The following MON2 variants were observed in gnomAD, a reference collection of about 807,000 sequenced individuals.
The protein encoded by MON2 is MON2 regulator of endosome-to-Golgi trafficking.
Under a neutral mutation model 208.6 loss-of-function variants are expected in MON2, and 84 were observed. That is an observed-to-expected ratio of 0.40 (90% CI 0.34 to 0.48). The LOEUF is 0.48. Among genes scored for constraint, MON2 ranks in the 20% least tolerant of loss-of-function variants. The probability of loss-of-function intolerance (pLI) is 0.59; values close to 1 mark genes in which losing one functional copy is unlikely to be tolerated. For synonymous variants in MON2, 660 were observed against 694.0 expected, an observed-to-expected ratio of 0.95 and a Z score of 0.77; for missense variants, 1,611 against 2,015.4, an observed-to-expected ratio of 0.80 and a Z score of 3.84.
chr12:62,509,798 G>A (rs892252662), intron 8 of MON2, among the ~76,000 whole-genome samples: 2 of 150,828 alleles, frequency 1.3e-5, no homozygotes, highest in South Asian at 2.1e-4. Context: ...TTAGGAGAAG[G>A]AAGGAAATAA....
intron 29 of MON2, among the ~76,000 whole-genome samples, chr12:62,569,821 G>T (rs2074520264): frequency 6.6e-6 from 1 of 152,124 alleles, no homozygotes; most frequent in Non-Finnish European, 1.5e-5. Context: ...TAGATTCTGG[G>T]TGTGCTAATT....
At chr12:62,553,442 C>A (rs2073834465) in intron 24 of MON2, 1 of 295,122 alleles carries the variant, frequency 3.4e-6, no homozygotes, top group Non-Finnish European at 6.2e-6. Context: ...CCTTTTTTTC[C>A]CCCAGTTTTC....
At chr12:62,491,271 T>G (rs1353528154) in intron 2 of MON2, among the ~76,000 whole-genome samples, 1 of 152,154 alleles carries the variant, frequency 6.6e-6, no homozygotes, top group African/African-American at 2.4e-5. Flanking sequence ...GAGACAATAG[T>G]GAAGTATTCT....
chr12:62,535,317 A>G (rs1454878227), intron 13 of MON2, among the ~76,000 whole-genome samples: 1 of 152,146 alleles, frequency 6.6e-6, no homozygotes, highest in African/African-American at 2.4e-5. Context: ...TAATAAATAC[A>G]TGTATTATTA....
intron 2 of MON2, chr12:62,484,947 A>C (rs1397420199): frequency 7.2e-6 from 1 of 139,702 alleles, no homozygotes. Context: ...AGAATCTGTT[A>C]TATGCAAGGC....
chr12:62,561,076 A>G lies in MON2; in HGVS notation c.3995A>G (p.Gln1332Arg), dbSNP rs754584172. Residue 1332 changes from glutamine to arginine, a missense_variant, in exon 26 of 35, where the codon CAG becomes CGG. Transcript: ENST00000393630. Reference protein sequence around the residue: ...SYTEAVLTSLQEAVLTALDVL... With the variant: ...SYTEAVLTSLREAVLTALDVL... ...ACCGAAGCAGTTTTGACAAGTTTACAGGAAGCTGTACTTACAGCTTTAGAT... is the reference window on the plus strand; with the variant it reads ...ACCGAAGCAGTTTTGACAAGTTTACGGGAAGCTGTACTTACAGCTTTAGAT... 143 of 1,612,858 alleles carry G rather than the reference A, an allele frequency of 8.9e-5. 1 individual carries two copies. Among genetic ancestry groups the G allele is most frequent in the Non-Finnish European group, 1.2e-4 (137 of 1,179,408 alleles).
intron 3 of MON2, among the ~76,000 whole-genome samples, chr12:62,494,574 A>G (rs1229267008): frequency 6.6e-6 from 1 of 152,222 alleles, no homozygotes; most frequent in Non-Finnish European, 1.5e-5. Flanking sequence ...CATCTTAAAC[A>G]ATGTCAGATT....
At chr12:62,500,484 A>T (rs1592883335) in intron 5 of MON2, among the ~76,000 whole-genome samples, 1 of 152,188 alleles carries the variant, frequency 6.6e-6, no homozygotes, top group South Asian at 2.1e-4. Flanking sequence ...TTTTAAATCC[A>T]TGAAAAAAAG....
Position 62,593,710 on chromosome 12 carries a change from A to T in MON2, c.*961A>T, listed in dbSNP as rs1411190658. On this transcript the variant is annotated 3_prime_UTR_variant, in exon 35 of 35. Transcript: ENST00000393630. The stretch of plus-strand genomic sequence containing the variant: ...TTCTACTGATTTTGTTTCCCCTAAC[A>T]ACATTTGTCACTGTCTTTGAATTAT... 2.0e-5 allele frequency: 3 copies of T among 152,372 alleles called. No individual in the cohort carries two copies. Among genetic ancestry groups the T allele is most frequent in the African/African-American group, 7.2e-5 (3 of 41,452 alleles). 9.4% of individuals were successfully genotyped at this position (152,372 alleles called of 1,614,324 possible). A position where few individuals can be genotyped will look rare whatever the true frequency, so the allele number is the denominator to read the frequency against.
At chr12:62,567,140 A>G (rs909658365) in intron 29 of MON2, among the ~76,000 whole-genome samples, 2 of 152,138 alleles carry the variant, frequency 1.3e-5, no homozygotes, top group Non-Finnish European at 2.9e-5. Context: ...CTCTGTTTTG[A>G]AGGACTAGCC....
At position 62,532,556 on chromosome 12, in the gene MON2, C is replaced by G. The variant is rs2072705257; in HGVS notation, c.1519C>G (p.Leu507Val). ...AATCACAAGTATGATTGAAGGAGAG[C>G]TAGGAGAGCTTGAAACAGAATGTCA... Reference protein sequence around the residue: ...RGITSMIEGELGELETECQTT... With the variant: ...RGITSMIEGEVGELETECQTT... Residue 507 changes from leucine (L) to valine (V), a missense_variant, in exon 12 of 35, where the codon CTA becomes GTA. Coordinates refer to ENST00000393630, the MANE Select transcript of MON2 (RefSeq NM_015026.3). 1 of 1,613,928 alleles carries G rather than the reference C, an allele frequency of 6.2e-7. No homozygotes were observed. Among genetic ancestry groups the G allele is most frequent in the Admixed American group, 1.7e-5 (1 of 60,006 alleles).
intron 34 of MON2, chr12:62,588,958 G>A (rs1173720227): frequency 1.6e-6 from 2 of 1,260,130 alleles, no homozygotes; most frequent in East Asian, 2.6e-5. Flanking sequence ...GCTTTTTTAT[G>A]TGTACTTGTC....
At chr12:62,470,761 G>A (rs1236175205) in intron 1 of MON2, 2 of 1,105,904 alleles carry the variant, frequency 1.8e-6, no homozygotes, top group Non-Finnish European at 1.1e-6. Flanking sequence ...ATTCCTAGCA[G>A]AGGAAATAGC....
At chr12:62,523,618 TTG>T (rs1322441275) in intron 8 of MON2, among the ~76,000 whole-genome samples, 1 of 152,146 alleles carries the variant, frequency 6.6e-6, no homozygotes, top group East Asian at 1.9e-4. Flanking sequence ...AGCTAAGACT[TTG>T]CACTAAAAGC....
At chr12:62,545,829 A>G (rs1304879557) in intron 21 of MON2, 6 of 152,210 alleles carry the variant, frequency 3.9e-5, no homozygotes, top group Non-Finnish European at 8.8e-5. Flanking sequence ...TAAAGCTTAT[A>G]GAGCTTACAT....
At chr12:62,552,421 T>G (rs1442624896) in intron 23 of MON2, among the ~76,000 whole-genome samples, 1 of 151,868 alleles carries the variant, frequency 6.6e-6, no homozygotes, top group East Asian at 1.9e-4. Context: ...TTGGCATAAT[T>G]ATCATTAATA....
At chr12:62,558,035 C>T (rs1255806878) in intron 25 of MON2, among the ~76,000 whole-genome samples, 3 of 124,294 alleles carry the variant, frequency 2.4e-5, no homozygotes, top group Non-Finnish European at 4.7e-5. Context: ...AGTGCAATGG[C>T]ACGATCTTGG....
At position 62,567,310 on chromosome 12, in the gene MON2, T is replaced by TAG. The variant is rs558007037; in HGVS notation, c.4323+861_4323+862insGA. Among the ~76,000 whole-genome samples, 750 of 152,356 alleles carry TAG rather than the reference T, an allele frequency of 4.9e-3. 5 individuals are homozygous for TAG. The highest frequency in any genetic ancestry group is 6.6e-3 in the Non-Finnish European group (446 of 68,034). On this transcript the variant is annotated intron_variant, in intron 29 of 34. Transcript: ENST00000393630. ...TTCAGCCATCTCATACAAGGATTCT[T>TAG]AAGCCTTGGATACTACAAGAATTTT... is the stretch of plus-strand genomic sequence containing the variant.
At chr12:62,542,433 G>A (rs1464875151) in intron 19 of MON2, among the ~76,000 whole-genome samples, 1 of 152,076 alleles carries the variant, frequency 6.6e-6, no homozygotes, top group Non-Finnish European at 1.5e-5. Flanking sequence ...AATACTCATG[G>A]CTTTCATCAG....
Sources: gnomAD v4.1 joint callset for allele counts (sites outside exome capture counted in the v4.1 genomes callset) on GRCh38, gnomAD v4.1.1 for gene constraint, MANE v1.5 for transcripts, NCBI Gene and HGNC (gene_info 2026-07-23, HGNC 2026-07-21) for gene names.